The following LAPTM4A variants were observed in gnomAD, a reference collection of about 807,000 sequenced individuals.
The protein encoded by LAPTM4A is lysosomal-associated transmembrane protein 4A.
A neutral mutation model predicts 29.9 loss-of-function variants in LAPTM4A; 19 were observed. The observed-to-expected ratio is 0.64, with a 90% confidence interval of 0.44 to 0.93. The LOEUF (loss-of-function observed/expected upper bound fraction) is 0.93. LAPTM4A is among the 40% of genes least tolerant of loss of function. The probability of loss-of-function intolerance (pLI) is 0.00; values close to 1 mark genes in which losing one functional copy is unlikely to be tolerated. For synonymous variants in LAPTM4A, 105 were observed against 102.1 expected (o/e 1.03, Z -0.17); for missense variants, 293 against 288.5 (o/e 1.02, Z -0.11).
chr2:20,035,029 A>T lies in LAPTM4A; in HGVS notation c.466T>A (p.Leu156Met). The T allele has an allele frequency of 6.2e-7, 1 of 1,612,962 alleles. No homozygotes were observed. The highest frequency in any genetic ancestry group is 1.1e-5 in the South Asian group (1 of 90,970). ...DFPYKDDLLA[L>M]DSSCLLFIVL... ...ATGAACAGGAGGCAGCTGGAGTCCAAGGCCAGGAGGTCATCTTTGTAGGGA... is the reference window on the plus strand; with the variant it reads ...ATGAACAGGAGGCAGCTGGAGTCCATGGCCAGGAGGTCATCTTTGTAGGGA... The change falls in exon 5 of 7, where the codon TTG becomes ATG. Residue 156 changes from leucine (L) to methionine (M), a missense_variant. Leu to Met is a conservative substitution (Grantham distance 15). Transcript: ENST00000175091.
intron 2 of LAPTM4A, 64 bp from the exon 3 acceptor site, chr2:20,037,678 T>G: frequency 9.5e-7 from 1 of 1,055,776 alleles, no homozygotes. Flanking sequence ...AAAACTTCAC[T>G]TAAAGCTAGC....
In LAPTM4A at chr2:20,033,022, A is replaced by C. The variant is rs144974025; in HGVS notation, c.*183T>G. The C allele has an allele frequency of 2.2e-5, 13 of 584,060 alleles. No homozygotes were observed. In the African/African-American group the frequency reaches 2.2e-4, roughly 10 times the overall value. 36.2% of individuals were successfully genotyped at this position (584,060 alleles called of 1,614,324 possible). On this transcript the variant is annotated 3_prime_UTR_variant, in exon 7 of 7. Coordinates refer to ENST00000175091, the MANE Select transcript of LAPTM4A (RefSeq NM_014713.5). ...AAAACTATTAAAATGTAAAAGACTT[A>C]ACAAAAAAACAAAAAGACGTTTAAC...
intron 1 of LAPTM4A, among the ~76,000 whole-genome samples, chr2:20,044,971 T>C (rs569975360): frequency 6.6e-6 from 1 of 152,324 alleles, no homozygotes; most frequent in East Asian, 1.9e-4. Context: ...CTTGAACTCC[T>C]GGCCTCAAGT....
At chr2:20,037,751 TAAAA>T (rs57679180) in intron 2 of LAPTM4A, 137 bp from the exon 3 acceptor site, 1,332 of 359,986 alleles carry the variant, frequency 3.7e-3, no homozygotes, top group South Asian at 7.1e-3. Flanking sequence ...GCCAAGAGGG[TAAAA>T]AAAAAAAAAA....
At chr2:20,041,602 C>T (rs1221929235) in intron 1 of LAPTM4A, among the ~76,000 whole-genome samples, 1 of 152,118 alleles carries the variant, frequency 6.6e-6, no homozygotes, top group African/African-American at 2.4e-5. Context: ...GTGGTGCAAT[C>T]TCAGCTCACT....
intron 6 of LAPTM4A, among the ~76,000 whole-genome samples, chr2:20,033,492 G>A (rs571616926): frequency 4.6e-5 from 7 of 152,000 alleles, no homozygotes; most frequent in Non-Finnish European, 1.0e-4. Context: ...GAGAGAGGGA[G>A]GTGGGGAGAG....
intron 5 of LAPTM4A, 83 bp from the exon 6 acceptor site, chr2:20,034,498 T>C (rs1673639363): frequency 1.1e-6 from 1 of 898,764 alleles, no homozygotes; most frequent in Non-Finnish European, 1.9e-6. Flanking sequence ...TAGAATGCTT[T>C]CCCCACACAT....
At chr2:20,034,590 A>AT (rs1673640881) in intron 5 of LAPTM4A, among the ~76,000 whole-genome samples, 175 bp from the exon 6 acceptor site, 1 of 152,192 alleles carries the variant, frequency 6.6e-6, no homozygotes, top group Non-Finnish European at 1.5e-5. Context: ...TTTAAGTGTC[A>AT]TGAGTTTCAT....
At chr2:20,033,915 G>A (rs575485407) in intron 6 of LAPTM4A, among the ~76,000 whole-genome samples, 9 of 152,144 alleles carry the variant, frequency 5.9e-5, no homozygotes, top group Admixed American at 3.3e-4. Context: ...TGAAACCACT[G>A]TATTCATCTC....
intron 1 of LAPTM4A, among the ~76,000 whole-genome samples, chr2:20,042,353 C>T (rs1477879989): frequency 6.6e-6 from 1 of 152,174 alleles, no homozygotes; most frequent in African/African-American, 2.4e-5. Flanking sequence ...GTGCTAAGCT[C>T]CCACCTGTAC....
chr2:20,038,730 TACTCTGAGAG>T (rs1224090418), intron 2 of LAPTM4A, among the ~76,000 whole-genome samples: 1 of 152,044 alleles, frequency 6.6e-6, no homozygotes, highest in Admixed American at 6.6e-5. Flanking sequence ...GTAATCTCAG[TACTCTGAGAG>T]ACTAAGGTGG....
intron 6 of LAPTM4A, among the ~76,000 whole-genome samples, chr2:20,033,579 C>T (rs912946727): frequency 6.6e-6 from 1 of 152,094 alleles, no homozygotes; most frequent in African/African-American, 2.4e-5. Flanking sequence ...TCCAGTGTGA[C>T]CGATGAAGTG....
chr2:20,037,723 G>T, intron 2 of LAPTM4A, 109 bp from the exon 3 acceptor site: 1 of 657,984 alleles, frequency 1.5e-6, no homozygotes, highest in Non-Finnish European at 2.4e-6. Context: ...TTCAAAATTG[G>T]CTATAAAAAG....
chr2:20,050,715 G>A (rs1031557974), intron 1 of LAPTM4A, among the ~76,000 whole-genome samples: 1 of 152,190 alleles, frequency 6.6e-6, no homozygotes, highest in African/African-American at 2.4e-5. Flanking sequence ...AGGTGGCCAG[G>A]ATGGAGAGGG....
intron 2 of LAPTM4A, among the ~76,000 whole-genome samples, chr2:20,038,959 C>T (rs1673737938): frequency 6.6e-6 from 1 of 151,882 alleles, no homozygotes; most frequent in Non-Finnish European, 1.5e-5. Context: ...CACTGTCACC[C>T]AGGCTGGAGT....
At chr2:20,041,516 T>G (rs140015806) in intron 1 of LAPTM4A, among the ~76,000 whole-genome samples, 1 of 151,504 alleles carries the variant, frequency 6.6e-6, no homozygotes, top group East Asian at 1.9e-4. Context: ...AGTCTTACTT[T>G]TGTGTGTGTG....
At chr2:20,033,524 G>C (rs1218836046) in intron 6 of LAPTM4A, among the ~76,000 whole-genome samples, 3 of 152,146 alleles carry the variant, frequency 2.0e-5, no homozygotes, top group African/African-American at 7.2e-5. Flanking sequence ...TCTGGACAAG[G>C]ATTCCTAGAC....
At chr2:20,050,413 T>C (rs1030082910) in intron 1 of LAPTM4A, among the ~76,000 whole-genome samples, 2 of 152,200 alleles carry the variant, frequency 1.3e-5, no homozygotes, top group African/African-American at 4.8e-5. Flanking sequence ...CTGCACAGTA[T>C]CACCAACGTC....
In LAPTM4A at chr2:20,046,757, T is replaced by C. The variant is rs1572400508; in HGVS notation, c.111+4653A>G. Among the ~76,000 whole-genome samples the C allele has an allele frequency of 2.1e-5, 3 of 142,648 alleles. No homozygotes were observed. The South Asian group carries it at 6.4e-4, about 31-fold the overall frequency. The allele number at this position is 142,648 out of a possible 152,430, so 93.6% of individuals were successfully genotyped here. Reference sequence around the variant, plus strand: ...TATATATAAATATATATTATATAAATATATATATAATATAATATATAAATA... The same window carrying C: ...TATATATAAATATATATTATATAAACATATATATAATATAATATATAAATA... On this transcript the variant is annotated intron_variant, in intron 1 of 6. Coordinates refer to ENST00000175091, the MANE Select transcript of LAPTM4A (RefSeq NM_014713.5).
Sources: gnomAD v4.1 joint callset for allele counts (sites outside exome capture counted in the v4.1 genomes callset) on GRCh38, gnomAD v4.1.1 for gene constraint, MANE v1.5 for transcripts, NCBI Gene and HGNC (gene_info 2026-07-23, HGNC 2026-07-21) for gene names.